The following GREM2 variants were observed in gnomAD, a reference collection of about 807,000 sequenced individuals.
GREM2 encodes the protein gremlin 2, DAN family BMP antagonist.
In GREM2, 11 loss-of-function variants were observed where a neutral mutation model predicts 14.2. That is an observed-to-expected ratio of 0.78 (90% confidence interval 0.49 to 1.28). The LOEUF is 1.28. Ranked by LOEUF, GREM2 falls within the 50% of genes most tolerant of loss-of-function variation. The probability of loss-of-function intolerance (pLI) is 0.00; values close to 1 mark genes in which losing one functional copy is unlikely to be tolerated. For synonymous variants in GREM2, 98 were observed against 97.6 expected, an observed-to-expected ratio of 1.00 and a Z score of -0.02; for missense variants, 210 against 218.5, an observed-to-expected ratio of 0.96 and a Z score of 0.24.
At chr1:240,611,057 A>C (rs1019948537) in intron 1 of GREM2, among the ~76,000 whole-genome samples, 2 of 138,812 alleles carry the variant, frequency 1.4e-5, no homozygotes, top group Non-Finnish European at 1.6e-5. Context: ...TTTTTTAACA[A>C]AACCCACACC....
intron 1 of GREM2, among the ~76,000 whole-genome samples, chr1:240,532,644 G>T (rs778902942): frequency 0.014 from 146 of 10,658 alleles, no homozygotes; most frequent in African/African-American, 0.027. Flanking sequence ...GATATATATA[G>T]ATAGATAGAT....
chr1:240,533,558 G>C (rs1678409483), intron 1 of GREM2, among the ~76,000 whole-genome samples: 1 of 121,010 alleles, frequency 8.3e-6, no homozygotes, highest in African/African-American at 2.8e-5. Flanking sequence ...AAGCACTGAG[G>C]AGGCACAACT....
intron 1 of GREM2, among the ~76,000 whole-genome samples, chr1:240,564,657 A>AT (rs1236069717): frequency 5.9e-5 from 9 of 152,330 alleles, no homozygotes; most frequent in East Asian, 5.8e-4. Flanking sequence ...CTAATGAAGC[A>AT]TTACCTCAGG....
chr1:240,611,540 G>T (rs982845318), intron 1 of GREM2, among the ~76,000 whole-genome samples: 2 of 152,104 alleles, frequency 1.3e-5, no homozygotes, highest in Non-Finnish European at 2.9e-5. Context: ...TGTTTGCCTC[G>T]CTATAGTCAT....
chr1:240,516,841 G>T (rs1327444715), intron 1 of GREM2, among the ~76,000 whole-genome samples: 1 of 152,142 alleles, frequency 6.6e-6, no homozygotes, highest in African/African-American at 2.4e-5. Context: ...ATCATGCCCA[G>T]TGTGATCCAG....
At chr1:240,601,465 G>A (rs1679922658) in intron 1 of GREM2, among the ~76,000 whole-genome samples, 1 of 152,150 alleles carries the variant, frequency 6.6e-6, no homozygotes, top group Non-Finnish European at 1.5e-5. Context: ...AGCTTCTTAA[G>A]CCCTCAGTCT....
Position 240,493,162 on chromosome 1 carries a change from TAGA to T in GREM2, c.311_313del (p.Phe104del). 4 of 1,614,130 alleles carry T rather than the reference TAGA, an allele frequency of 2.5e-6. No individual in the cohort carries two copies. The highest frequency in any genetic ancestry group is 3.4e-6 in the Non-Finnish European group (4 of 1,180,018). Reference sequence around the variant, plus strand: ...CTCCTTCTTCACGTGCCGCGGGATGTAGAAGGAGTTGCACTGGCCGTAGCAGAA... The same window carrying T: ...CTCCTTCTTCACGTGCCGCGGGATGTAGGAGTTGCACTGGCCGTAGCAGAA... On this transcript the variant is annotated inframe_deletion, in exon 2 of 2. Coordinates refer to ENST00000318160, the MANE Select transcript of GREM2 (RefSeq NM_022469.4).
intron 1 of GREM2, among the ~76,000 whole-genome samples, chr1:240,533,579 G>C (rs2153290): frequency 1.3e-5 from 2 of 151,532 alleles, no homozygotes; most frequent in Middle Eastern, 3.2e-3. Flanking sequence ...GGGACAAGGG[G>C]AGTAGGTGGC....
chr1:240,602,840 G>A (rs368340495), intron 1 of GREM2, among the ~76,000 whole-genome samples: 45 of 151,548 alleles, frequency 3.0e-4, no homozygotes, highest in African/African-American at 9.0e-4. Context: ...TTGGGAGGCC[G>A]AGGCAGGCGG....
At chr1:240,510,369 CAAAAAAAAAAAAAA>C (rs71170753) in intron 1 of GREM2, among the ~76,000 whole-genome samples, 28 of 59,552 alleles carry the variant, frequency 4.7e-4, no homozygotes, top group South Asian at 2.3e-3. Context: ...GACTCCGTCG[CAAAAAAAAAAAAAA>C]AAAAAAAAAA....
chr1:240,590,970 A>T (rs191755383), intron 1 of GREM2, among the ~76,000 whole-genome samples: 1,792 of 150,924 alleles, frequency 0.012, 38 homozygotes, highest in African/African-American at 0.042. Flanking sequence ...TTAGTAGAGA[A>T]GGGGTTTCAC....
chr1:240,510,243 G>C (rs896082065), intron 1 of GREM2, among the ~76,000 whole-genome samples: 1 of 151,820 alleles, frequency 6.6e-6, no homozygotes, highest in East Asian at 2.0e-4. Context: ...GGTGGCGGGC[G>C]CCTGTAGTCC....
intron 1 of GREM2, among the ~76,000 whole-genome samples, chr1:240,554,148 C>T (rs1302971119): frequency 6.6e-6 from 1 of 152,094 alleles, no homozygotes; most frequent in African/African-American, 2.4e-5. Context: ...TGGTGGCTCA[C>T]ACCTGTAATC....
At chr1:240,534,919 C>A (rs77789988) in intron 1 of GREM2, among the ~76,000 whole-genome samples, 1 of 152,056 alleles carries the variant, frequency 6.6e-6, no homozygotes, top group East Asian at 1.9e-4. Context: ...ACTTAGCTAC[C>A]AACTGAGGGA....
intron 1 of GREM2, among the ~76,000 whole-genome samples, chr1:240,517,582 A>G (rs1468528225): frequency 6.6e-6 from 1 of 152,252 alleles, no homozygotes; most frequent in African/African-American, 2.4e-5. Context: ...TAAGAGCTTC[A>G]TAGCATAATA....
chr1:240,532,019 T>C (rs747212782), intron 1 of GREM2, among the ~76,000 whole-genome samples: 3 of 152,232 alleles, frequency 2.0e-5, no homozygotes, highest in South Asian at 4.1e-4. Context: ...TAGAACTTAA[T>C]CTTTTAAGAC....
Position 240,489,754 on chromosome 1 carries a change from C to T in GREM2, c.*3215G>A, listed in dbSNP as rs891797970. Reference sequence around the variant, plus strand: ...TAAATAAGCCTTCTGGGAATATATACATTCTAAGTTGTTCACACAATAGCA... The same window carrying T: ...TAAATAAGCCTTCTGGGAATATATATATTCTAAGTTGTTCACACAATAGCA... On this transcript the variant is annotated 3_prime_UTR_variant, in exon 2 of 2. Coordinates refer to ENST00000318160, the MANE Select transcript of GREM2 (RefSeq NM_022469.4). 8.5e-5 allele frequency: 13 copies of T among 152,190 alleles called. No homozygotes were observed. The highest frequency in any genetic ancestry group is 2.7e-4 in the African/African-American group (11 of 41,446). 9.4% of individuals were successfully genotyped at this position (152,190 alleles called of 1,614,324 possible).
Position 240,493,098 on chromosome 1 carries a change from C to T in GREM2, c.378G>A (p.Gln126=), listed in dbSNP as rs1677302807. 1.9e-6 allele frequency: 3 copies of T among 1,613,960 alleles called. No individual in the cohort carries two copies. In the South Asian group the frequency reaches 3.3e-5, roughly 18 times the overall value. ...GCTCCACGAGGACGGAGGTGACGCG[C>T]TGGGGCTTGCAGAAGGCGCAGGACT... ...SFQSCAFCKP[Q]RVTSVLVELE... The change falls in exon 2 of 2, where the codon CAG becomes CAA. Residue 126 remains glutamine (Q), a synonymous_variant. Transcript: ENST00000318160.
intron 1 of GREM2, among the ~76,000 whole-genome samples, chr1:240,606,404 G>C (rs1372282169): frequency 1.3e-5 from 2 of 152,174 alleles, no homozygotes; most frequent in Non-Finnish European, 1.5e-5. Flanking sequence ...GACTTGTGTT[G>C]TCAAATGGCT....
Sources: gnomAD v4.1 joint callset for allele counts (sites outside exome capture counted in the v4.1 genomes callset) on GRCh38, gnomAD v4.1.1 for gene constraint, MANE v1.5 for transcripts, NCBI Gene and HGNC (gene_info 2026-07-23, HGNC 2026-07-21) for gene names.